Variants in KIRREL3 observed in about 807,000 individuals in gnomAD.
The protein encoded by KIRREL3 is kirre like nephrin family adhesion molecule 3.
In KIRREL3, 36 loss-of-function variants were observed where a neutral mutation model predicts 89.7. That is an observed-to-expected ratio of 0.40 (90% CI 0.31 to 0.53). The LOEUF (loss-of-function observed/expected upper bound fraction) is 0.53. Among genes scored for constraint, KIRREL3 ranks in the 20% least tolerant of loss-of-function variants. The probability of loss-of-function intolerance (pLI) is 0.49; values close to 1 mark genes in which losing one functional copy is unlikely to be tolerated. For synonymous variants in KIRREL3, 445 were observed against 441.4 expected (o/e 1.01, Z -0.10); for missense variants, 864 against 1,056.6 (o/e 0.82, Z 2.53).
intron 2 of KIRREL3, among the ~76,000 whole-genome samples, chr11:126,534,945 T>A (rs1937726259): frequency 6.6e-6 from 1 of 152,136 alleles, no homozygotes; most frequent in Non-Finnish European, 1.5e-5. Context: ...GTGGCGTCCC[T>A]GAGTCAGGAC....
At position 126,917,847 on chromosome 11, in the gene KIRREL3, A is replaced by G. The variant is rs927419532; in HGVS notation, c.55+82608T>C. Among the ~76,000 whole-genome samples the G allele has an allele frequency of 2.6e-5, 4 of 152,220 alleles. No individual in the cohort carries two copies. Among genetic ancestry groups the G allele is most frequent in the African/African-American group, 9.6e-5 (4 of 41,458 alleles). On this transcript the variant is annotated intron_variant, in intron 1 of 16. Coordinates refer to ENST00000525144, the MANE Select transcript of KIRREL3 (RefSeq NM_032531.4). The surrounding 1 kb of genome is among the most constrained non-coding windows in gnomAD (Gnocchi z 5.0). ...TGGCGTTTCTGAAGAACGAGATGGT[A>G]AAAACAGTGGCATTTCTGTTCCCTC...
At position 126,432,927 on chromosome 11, in the gene KIRREL3, G is replaced by A. The variant is rs913607287; in HGVS notation, c.1589-1401C>T. On this transcript the variant is annotated intron_variant, in intron 13 of 16. Coordinates refer to ENST00000525144, the MANE Select transcript of KIRREL3 (RefSeq NM_032531.4). The surrounding 1 kb of genome is among the most constrained non-coding windows in gnomAD (Gnocchi z 6.2). ...GGAGTCTGGCTGTGACACCCAGGCT[G>A]GAGGGCAGTGGCACGATCTCAGTTC... is the stretch of plus-strand genomic sequence containing the variant. Among the ~76,000 whole-genome samples the A allele has an allele frequency of 2.6e-5, 4 of 152,336 alleles. No homozygotes were observed. In the East Asian group the frequency reaches 5.8e-4, roughly 22 times the overall value.
chr11:126,726,378 T>C (rs1328807737), intron 1 of KIRREL3, among the ~76,000 whole-genome samples: 1 of 151,838 alleles, frequency 6.6e-6, no homozygotes, highest in African/African-American at 2.4e-5. Flanking sequence ...GCCTCCTTTT[T>C]TTCTTTTTAG....
chr11:126,803,876 T>C (rs1452504257), intron 1 of KIRREL3, among the ~76,000 whole-genome samples: 1 of 152,214 alleles, frequency 6.6e-6, no homozygotes, highest in Non-Finnish European at 1.5e-5. Flanking sequence ...ACAACATCTA[T>C]ATCTGTTGCC....
chr11:126,526,879 C>A lies in KIRREL3; in HGVS notation c.134-192G>T, dbSNP rs1447052001. Among the ~76,000 whole-genome samples, 1 of 152,188 alleles carries A rather than the reference C, an allele frequency of 6.6e-6. No homozygotes were observed. Among genetic ancestry groups the A allele is most frequent in the East Asian group, 1.9e-4 (1 of 5,192 alleles). On this transcript the variant is annotated intron_variant, in intron 2 of 16. Coordinates refer to ENST00000525144, the MANE Select transcript of KIRREL3 (RefSeq NM_032531.4). The surrounding 1 kb of genome is among the most constrained non-coding windows in gnomAD (Gnocchi z 5.7). The stretch of plus-strand genomic sequence containing the variant: ...CCAGCTCTATTCCCTCCTATGGGGG[C>A]CTGGCTCCCAGCTCCAGCCCCTCTG...
At chr11:126,716,232 G>C (rs765545376) in intron 1 of KIRREL3, among the ~76,000 whole-genome samples, 6 of 152,060 alleles carry the variant, frequency 3.9e-5, no homozygotes, top group Non-Finnish European at 2.9e-5. Flanking sequence ...AAGGGAGGGA[G>C]CTGGAGAGCA....
In KIRREL3 at chr11:126,490,737, T is replaced by G. The variant is rs1957488972; in HGVS notation, c.434-17271A>C. ...GCTCAGTGAATGCTCATTCCTTTTC[T>G]TGTCTCTCCTCCCTCCTCGTCTCCC... On this transcript the variant is annotated intron_variant, in intron 4 of 16. Coordinates refer to ENST00000525144, the MANE Select transcript of KIRREL3 (RefSeq NM_032531.4). The surrounding 1 kb of genome is among the most constrained non-coding windows in gnomAD (Gnocchi z 4.2). Among the ~76,000 whole-genome samples the G allele has an allele frequency of 6.6e-6, 1 of 152,232 alleles. No homozygotes were observed. The highest frequency in any genetic ancestry group is 1.5e-5 in the Non-Finnish European group (1 of 68,048).
In KIRREL3 at chr11:126,981,693, C is replaced by A. The variant is rs915489782; in HGVS notation, c.55+18762G>T. Among the ~76,000 whole-genome samples the A allele has an allele frequency of 1.3e-5, 2 of 152,156 alleles. No homozygotes were observed. The highest frequency in any genetic ancestry group is 2.4e-5 in the African/African-American group (1 of 41,440). ...TGCTCAGGGGGCTTTTATCAATGCACCCCCATCCTTGGAGTAGGTTCCTGA... is the reference window on the plus strand; with the variant it reads ...TGCTCAGGGGGCTTTTATCAATGCAACCCCATCCTTGGAGTAGGTTCCTGA... On this transcript the variant is annotated intron_variant, in intron 1 of 16. Transcript: ENST00000525144. This position sits in a 1 kb window ranked among gnomAD's most constrained non-coding sequence, Gnocchi z 4.2.
chr11:126,827,685 T>C (rs1362894705), intron 1 of KIRREL3, among the ~76,000 whole-genome samples: 2 of 152,238 alleles, frequency 1.3e-5, no homozygotes, highest in African/African-American at 4.8e-5. Context: ...AGTGACTGCC[T>C]TAAAGTCGAT....
intron 1 of KIRREL3, among the ~76,000 whole-genome samples, chr11:126,625,243 G>A (rs1943733235): frequency 1.3e-5 from 2 of 152,248 alleles, no homozygotes; most frequent in Admixed American, 1.3e-4. Flanking sequence ...CTTCCTCAAG[G>A]TCATGGACTA....
At chr11:126,464,363 GA>G (rs1220492099) in intron 5 of KIRREL3, among the ~76,000 whole-genome samples, 1 of 120,436 alleles carries the variant, frequency 8.3e-6, no homozygotes, top group Non-Finnish European at 1.8e-5. Context: ...AAAAAAAAAA[GA>G]AAAAAATTAA....
At chr11:126,670,611 A>C (rs1272511009) in intron 1 of KIRREL3, among the ~76,000 whole-genome samples, 1 of 152,254 alleles carries the variant, frequency 6.6e-6, no homozygotes, top group Non-Finnish European at 1.5e-5. Context: ...GTAGGATACA[A>C]GGTGAATAAA....
chr11:126,679,044 A>G (rs975799944), intron 1 of KIRREL3, among the ~76,000 whole-genome samples: 2 of 152,192 alleles, frequency 1.3e-5, no homozygotes, highest in Non-Finnish European at 1.5e-5. Context: ...TCTGGGAGAG[A>G]TGCTTTGCTT....
Position 126,872,159 on chromosome 11 carries a change from G to A in KIRREL3, c.55+128296C>T, listed in dbSNP as rs1384509845. Among the ~76,000 whole-genome samples the A allele has an allele frequency of 1.3e-5, 2 of 152,176 alleles. No homozygotes were observed. ...CAGACAGTGATGAAAGTGACCTCTA[G>A]TTGTCCTTACTGCTCATTAACATAA... On this transcript the variant is annotated intron_variant, in intron 1 of 16. Coordinates refer to ENST00000525144, the MANE Select transcript of KIRREL3 (RefSeq NM_032531.4). The surrounding 1 kb of genome is among the most constrained non-coding windows in gnomAD (Gnocchi z 4.2).
intron 1 of KIRREL3, among the ~76,000 whole-genome samples, chr11:126,616,784 G>C (rs1943370554): frequency 6.6e-6 from 1 of 152,204 alleles, no homozygotes; most frequent in South Asian, 2.1e-4. Context: ...TGAGACTACA[G>C]GTGCACACCA....
intron 1 of KIRREL3, among the ~76,000 whole-genome samples, chr11:126,731,398 T>C (rs936050159): frequency 4.6e-5 from 7 of 152,240 alleles, no homozygotes; most frequent in African/African-American, 1.4e-4. Flanking sequence ...TACTTAGTCC[T>C]TCAAGACTCA....
chr11:126,781,859 G>A (rs1482226935), intron 1 of KIRREL3, among the ~76,000 whole-genome samples: 1 of 152,144 alleles, frequency 6.6e-6, no homozygotes, highest in African/African-American at 2.4e-5. Context: ...GGTAGAAATA[G>A]GGGCCACTTA....
intron 1 of KIRREL3, among the ~76,000 whole-genome samples, chr11:126,956,550 A>G (rs568725503): frequency 6.6e-6 from 1 of 152,318 alleles, no homozygotes; most frequent in East Asian, 1.9e-4. Context: ...AAATATCCAC[A>G]AGAAGCAGCA....
chr11:126,445,236 T>C, intron 9 of KIRREL3, 131 bp from the exon 10 acceptor site: 2 of 1,246,846 alleles, frequency 1.6e-6, no homozygotes, highest in Non-Finnish European at 2.2e-6. Context: ...GGAAGCAAGG[T>C]GGGGAGGAAA....
Sources: allele counts gnomAD v4.1 joint callset (sites outside exome capture counted in the v4.1 genomes callset), GRCh38; gene constraint gnomAD v4.1.1; non-coding constraint Gnocchi (gnomAD v3.1); transcripts MANE v1.5; gene names NCBI Gene and HGNC (gene_info 2026-07-23, HGNC 2026-07-21).